CABYR: variants seen among roughly 807,000 people sequenced by gnomAD.
CABYR encodes the protein calcium binding tyrosine phosphorylation regulated, also known as calcium-binding tyrosine phosphorylation-regulated protein.
In CABYR, 31 loss-of-function variants were observed where a neutral mutation model predicts 36.1. That is an observed-to-expected ratio of 0.86 (90% CI 0.64 to 1.16). The LOEUF is 1.16. Among genes scored for constraint, CABYR ranks in the 50% most tolerant of loss-of-function variants. The pLI is 0.00. For synonymous variants in CABYR, 146 were observed against 160.7 expected, an observed-to-expected ratio of 0.91 and a Z score of 0.69; for missense variants, 429 against 455.8, an observed-to-expected ratio of 0.94 and a Z score of 0.53.
At chr18:24,156,454 T>C (rs1431890447) in intron 4 of CABYR, 2 of 1,614,036 alleles carry the variant, frequency 1.2e-6, no homozygotes, top group Non-Finnish European at 1.7e-6. Flanking sequence ...CAAATAGTTA[T>C]CCCTTTTACT....
intron 1 of CABYR, chr18:24,140,333 AGTAT>A (rs996140793): frequency 1.3e-5 from 2 of 152,254 alleles, no homozygotes; most frequent in East Asian, 1.9e-4. Context: ...TGTATCAAAT[AGTAT>A]GTATGTATCA....
chr18:24,149,077 G>A (rs1404537482), intron 3 of CABYR, among the ~76,000 whole-genome samples: 3 of 152,132 alleles, frequency 2.0e-5, no homozygotes, highest in South Asian at 2.1e-4. Flanking sequence ...TAGACATAAA[G>A]GTTCTCCATG....
intron 3 of CABYR, among the ~76,000 whole-genome samples, chr18:24,147,490 T>G (rs1599377897): frequency 6.6e-6 from 1 of 152,156 alleles, no homozygotes; most frequent in East Asian, 1.9e-4. Context: ...CAAACAAATT[T>G]TTTTAAAAAA....
rs2085898376 is a variant in CABYR, at chr18:24,159,772, T to C, written c.842T>C (p.Val281Ala). Residue 281 changes from valine to alanine, a missense_variant, in exon 5 of 6, where the codon GTC (valine) becomes GCC (alanine). By Grantham distance (64) the Val-to-Ala change is moderately conservative. Transcript: ENST00000399496. The stretch of plus-strand genomic sequence containing the variant: ...TGGAAACCTCTTCCTGGACATGCTG[T>C]CGTTTCACAGTCAGATGTCTTGAGA... ...QGWKPLPGHA[V>A]VSQSDVLRYV... 1 of 1,614,144 alleles carries C rather than the reference T, an allele frequency of 6.2e-7. No homozygotes were observed. The highest frequency in any genetic ancestry group is 8.5e-7 in the Non-Finnish European group (1 of 1,180,032).
chr18:24,153,804 G>C (rs575010769), intron 3 of CABYR, among the ~76,000 whole-genome samples: 1 of 152,114 alleles, frequency 6.6e-6, no homozygotes, highest in East Asian at 1.9e-4. Context: ...CCAAGGTCAG[G>C]CTTAAATAAG....
chr18:24,156,977 T>C, intron 4 of CABYR: 2 of 1,604,766 alleles, frequency 1.2e-6, no homozygotes, highest in Non-Finnish European at 1.7e-6. Flanking sequence ...AATCAACAGC[T>C]GAATAAGGTT....
intron 3 of CABYR, chr18:24,150,677 T>C: frequency 7.1e-6 from 4 of 561,642 alleles, no homozygotes; most frequent in Non-Finnish European, 9.0e-6. Context: ...TGGAATCTTT[T>C]GTTTTAAATT....
chr18:24,144,790 A>G (rs530710762), intron 3 of CABYR, among the ~76,000 whole-genome samples: 1 of 152,374 alleles, frequency 6.6e-6, no homozygotes, highest in South Asian at 2.1e-4. Context: ...CTAATTAACC[A>G]AAAGACTTTT....
At chr18:24,157,040 G>A (rs2085809727) in intron 4 of CABYR, 1 of 1,472,562 alleles carries the variant, frequency 6.8e-7, no homozygotes, top group Non-Finnish European at 9.4e-7. Context: ...TGCATTTCAG[G>A]TGACATCTGT....
chr18:24,156,649 C>T (rs779385162), intron 4 of CABYR: 1 of 1,614,084 alleles, frequency 6.2e-7, no homozygotes, highest in Non-Finnish European at 8.5e-7. Flanking sequence ...GAGGCAGAAG[C>T]AACAGCTCTG....
intron 3 of CABYR, among the ~76,000 whole-genome samples, chr18:24,153,659 C>G (rs867388834): frequency 6.6e-6 from 1 of 152,096 alleles, no homozygotes; most frequent in Non-Finnish European, 1.5e-5. Context: ...ACTTGGTTAC[C>G]TTTTGACTTC....
chr18:24,156,450 G>A (rs2085788786), intron 4 of CABYR: 2 of 1,614,064 alleles, frequency 1.2e-6, no homozygotes, highest in Non-Finnish European at 8.5e-7. Context: ...AGAACAAATA[G>A]TTATCCCTTT....
intron 3 of CABYR, among the ~76,000 whole-genome samples, chr18:24,154,980 A>G (rs1050507902): frequency 1.3e-5 from 2 of 152,206 alleles, no homozygotes; most frequent in South Asian, 4.1e-4. Context: ...TTTTTAGGTT[A>G]GAATATGTGA....
chr18:24,150,500 G>A, intron 3 of CABYR: 1 of 648,372 alleles, frequency 1.5e-6, no homozygotes, highest in Non-Finnish European at 1.9e-6. Context: ...TCCTTAATCA[G>A]AATGAGATCT....
chr18:24,150,825 G>T (rs1241745687), intron 3 of CABYR, among the ~76,000 whole-genome samples: 8 of 148,704 alleles, frequency 5.4e-5, no homozygotes, highest in Middle Eastern at 7.2e-3. Context: ...CTGGCCCCAG[G>T]CTGGAGTGCA....
chr18:24,156,832 A>G (rs955800232), intron 4 of CABYR: 2 of 1,614,182 alleles, frequency 1.2e-6, no homozygotes, highest in Non-Finnish European at 8.5e-7. Flanking sequence ...GTACCCCAGG[A>G]GATGGAAGGC....
intron 3 of CABYR, among the ~76,000 whole-genome samples, chr18:24,153,462 A>G (rs1050553763): frequency 1.3e-5 from 2 of 152,070 alleles, no homozygotes; most frequent in African/African-American, 4.8e-5. Context: ...AGTCCCAGGT[A>G]ATTCCAGACT....
chr18:24,141,703 C>T (rs2085324907), intron 1 of CABYR, among the ~76,000 whole-genome samples: 1 of 152,076 alleles, frequency 6.6e-6, no homozygotes, highest in African/African-American at 2.4e-5. Context: ...CTTTAGAAGC[C>T]TTAGGTGATT....
chr18:24,150,768 GTTT>G (rs145208159), intron 3 of CABYR: 2 of 123,096 alleles, frequency 1.6e-5, no homozygotes, highest in African/African-American at 7.0e-5. Context: ...CAGTTTTTTT[GTTT>G]TTTTGTTTTT....
Sources: gnomAD v4.1 joint callset for allele counts (sites outside exome capture counted in the v4.1 genomes callset) on GRCh38, gnomAD v4.1.1 for gene constraint, MANE v1.5 for transcripts, NCBI Gene and HGNC (gene_info 2026-07-23, HGNC 2026-07-21) for gene names.